The following ACACB variants were observed in gnomAD, a reference collection of about 807,000 sequenced individuals.
ACACB encodes the protein acetyl-CoA carboxylase beta, also known as acetyl-CoA carboxylase 2.
In ACACB, 209 loss-of-function variants were observed where a neutral mutation model predicts 278.8. The observed-to-expected ratio is 0.75, with a 90% CI of 0.67 to 0.84. The LOEUF (loss-of-function observed/expected upper bound fraction) is 0.84. ACACB is among the 40% of genes least tolerant of loss of function. The pLI is 0.00. For synonymous variants in ACACB, 1,174 were observed against 1,285.6 expected (o/e 0.91, Z 1.86); for missense variants, 2,850 against 3,269.0 (o/e 0.87, Z 3.13).
chr12:109,201,463 T>C lies in ACACB; in HGVS notation c.2779-104T>C, dbSNP rs917460997. 5.7e-6 allele frequency: 8 copies of C among 1,409,466 alleles called. No homozygotes were observed. In the South Asian group the frequency reaches 1.0e-4, roughly 18 times the overall value. 87.3% of individuals were successfully genotyped at this position (1,409,466 alleles called of 1,614,324 possible). A position where few individuals can be genotyped will look rare whatever the true frequency, so the allele number is the denominator to read the frequency against. On this transcript the variant is annotated intron_variant, in intron 18 of 52. Coordinates refer to ENST00000338432, the MANE Select transcript of ACACB (RefSeq NM_001093.4). ...CCAGGGAGTCATTCTGGCGCGTCCC[T>C]GGGTAGTGTCCCGGCGCGTCCCTGC...
At position 109,222,917 on chromosome 12, in the gene ACACB, G is replaced by A. The variant is rs2046215784; in HGVS notation, c.3792+5G>A. 1.3e-6 allele frequency: 2 copies of A among 1,595,650 alleles called. No individual in the cohort carries two copies. The highest frequency in any genetic ancestry group is 3.3e-4 in the Middle Eastern group (2 of 6,032). ...TTCTGCCCCGAGAACCTCAAGGTGA[G>A]CCCGTCTCCTTCCTTTCACCATCTG... On this transcript the variant is annotated splice_donor_5th_base_variant and intron_variant, in intron 26 of 52. Transcript: ENST00000338432.
At chr12:109,180,707 G>A (rs1157760970) in intron 11 of ACACB, among the ~76,000 whole-genome samples, 11 of 151,938 alleles carry the variant, frequency 7.2e-5, no homozygotes, top group Admixed American at 5.9e-4. Context: ...GCGCGATCTC[G>A]GCTCACTGCA....
chr12:109,130,153 G>A (rs1282914156), intron 1 of ACACB, among the ~76,000 whole-genome samples: 1 of 152,194 alleles, frequency 6.6e-6, no homozygotes, highest in African/African-American at 2.4e-5. Context: ...GGTGCTCTGA[G>A]TGGAGATGGT....
At chr12:109,265,040 G>C in intron 50 of ACACB, 70 bp from the exon 51 acceptor site, 1 of 1,514,582 alleles carries the variant, frequency 6.6e-7, no homozygotes, top group Non-Finnish European at 8.9e-7. Flanking sequence ...CCACTGTCAT[G>C]GGTGTGGTCA....
intron 28 of ACACB, among the ~76,000 whole-genome samples, chr12:109,229,562 C>T (rs1016670576): frequency 1.1e-4 from 16 of 152,116 alleles, no homozygotes; most frequent in African/African-American, 3.6e-4. Flanking sequence ...TGGAGTCTCA[C>T]TCTGTCACCC....
At chr12:109,177,422 C>G (rs2136210969) in intron 9 of ACACB, among the ~76,000 whole-genome samples, 1 of 152,300 alleles carries the variant, frequency 6.6e-6, no homozygotes, top group Non-Finnish European at 1.5e-5. Context: ...ATAGCACACA[C>G]TTTACATGCA....
intron 15 of ACACB, among the ~76,000 whole-genome samples, chr12:109,192,423 C>T (rs899889392): frequency 6.6e-6 from 1 of 152,054 alleles, no homozygotes; most frequent in Non-Finnish European, 1.5e-5. Flanking sequence ...ACATTTTGTG[C>T]TGGATGCTTT....
intron 1 of ACACB, among the ~76,000 whole-genome samples, chr12:109,138,644 G>A (rs970145426): frequency 1.3e-5 from 2 of 152,062 alleles, no homozygotes; most frequent in Admixed American, 6.5e-5. Flanking sequence ...GGAAGCCAAG[G>A]TCAGGAGTTA....
At chr12:109,209,770 T>C (rs1470185542) in intron 21 of ACACB, among the ~76,000 whole-genome samples, 1 of 148,348 alleles carries the variant, frequency 6.7e-6, no homozygotes, top group African/African-American at 2.5e-5. Context: ...TCCATGTATG[T>C]GTGTGTGTGT....
intron 52 of ACACB, 80 bp from the exon 53 acceptor site, chr12:109,266,156 C>G (rs567426660): frequency 6.5e-7 from 1 of 1,529,852 alleles, no homozygotes; most frequent in South Asian, 1.3e-5. Flanking sequence ...GGTGTGGCCC[C>G]ACACAAGGAC....
At position 109,252,171 on chromosome 12, in the gene ACACB, G is replaced by C. The variant is rs753709705; in HGVS notation, c.5901+15G>C. On this transcript the variant is annotated intron_variant, in intron 42 of 52. Coordinates refer to ENST00000338432, the MANE Select transcript of ACACB (RefSeq NM_001093.4). ...CTCTCAACAAGGTGACCAAAAAGGG[G>C]CCTGTGCAGAGTGGATCCTTGGGGG... 1 of 1,585,306 alleles carries C rather than the reference G, an allele frequency of 6.3e-7. No individual in the cohort carries two copies. The highest frequency in any genetic ancestry group is 8.6e-7 in the Non-Finnish European group (1 of 1,160,128).
chr12:109,133,240 T>TTCTCTC (rs55987918), intron 1 of ACACB, among the ~76,000 whole-genome samples: 1 of 148,360 alleles, frequency 6.7e-6, no homozygotes, highest in Non-Finnish European at 1.5e-5. Flanking sequence ...GCACTTCTCT[T>TTCTCTC]TCTCTCTCTC....
At chr12:109,126,061 A>C (rs372118754) in intron 1 of ACACB, among the ~76,000 whole-genome samples, 2 of 152,288 alleles carry the variant, frequency 1.3e-5, no homozygotes, top group South Asian at 4.1e-4. Flanking sequence ...GCAGGTGCTC[A>C]GGAAATACCT....
chr12:109,142,833 C>G (rs1159518793), intron 2 of ACACB, among the ~76,000 whole-genome samples: 1 of 152,154 alleles, frequency 6.6e-6, no homozygotes, highest in African/African-American at 2.4e-5. Context: ...TCCCAAAGTG[C>G]TGGAATTACA....
rs772800259 is a variant in ACACB, at chr12:109,235,294, T to C, written c.4348-19T>C. 1.1e-5 allele frequency: 18 copies of C among 1,610,916 alleles called. No homozygotes were observed. The highest frequency in any genetic ancestry group is 1.4e-5 in the Non-Finnish European group (17 of 1,177,146). Reference sequence around the variant, plus strand: ...TACGGCCAAATAATATTCCATTGTGTCTTTGGTTTTTAATGCAGAAAAATA... The same window carrying C: ...TACGGCCAAATAATATTCCATTGTGCCTTTGGTTTTTAATGCAGAAAAATA... On this transcript the variant is annotated intron_variant, in intron 31 of 52. Coordinates refer to ENST00000338432, the MANE Select transcript of ACACB (RefSeq NM_001093.4).
At chr12:109,124,482 A>G (rs973912836) in intron 1 of ACACB, among the ~76,000 whole-genome samples, 2 of 152,238 alleles carry the variant, frequency 1.3e-5, no homozygotes, top group African/African-American at 4.8e-5. Flanking sequence ...CACGTCAAGA[A>G]CATAAAGTTC....
intron 50 of ACACB, among the ~76,000 whole-genome samples, 166 bp from the exon 51 acceptor site, chr12:109,264,944 C>T (rs1416904916): frequency 2.0e-5 from 3 of 152,152 alleles, no homozygotes; most frequent in Non-Finnish European, 4.4e-5. Flanking sequence ...TGCCTCTGAG[C>T]AGGTGCCTTC....
In ACACB at chr12:109,241,122, G is replaced by A. The variant is rs371447794; in HGVS notation, c.4863G>A (p.Arg1621=). The A allele has an allele frequency of 1.1e-5, 18 of 1,614,030 alleles. No individual in the cohort carries two copies. Among genetic ancestry groups the A allele is most frequent in the Non-Finnish European group, 1.5e-5 (18 of 1,180,038 alleles). Residue 1621 remains arginine (R), a synonymous_variant, in exon 36 of 53, where the codon CGG becomes CGA. Coordinates refer to ENST00000338432, the MANE Select transcript of ACACB (RefSeq NM_001093.4). ...ACATGGTTATGCGCTACGGCAGCCG[G>A]CTGTGGAAACTCCGTGTGCTACAGG... ...VRYMVMRYGS[R]LWKLRVLQAE... is the part of the protein sequence containing the mutation.
chr12:109,129,474 A>G (rs1399920785), intron 1 of ACACB, among the ~76,000 whole-genome samples: 1 of 152,120 alleles, frequency 6.6e-6, no homozygotes, highest in Non-Finnish European at 1.5e-5. Context: ...ACTCCCTAAC[A>G]TTTCCTTTCT....
Sources: gnomAD v4.1 joint callset for allele counts (sites outside exome capture counted in the v4.1 genomes callset) on GRCh38, gnomAD v4.1.1 for gene constraint, MANE v1.5 for transcripts, NCBI Gene and HGNC (gene_info 2026-07-23, HGNC 2026-07-21) for gene names.